The following DPYD variants were observed in gnomAD, a reference collection of about 807,000 sequenced individuals.
DPYD encodes the protein dihydropyrimidine dehydrogenase.
DPYD carries 109 observed loss-of-function variants against 116.2 expected under a neutral mutation model. That is an observed-to-expected ratio of 0.94 (90% confidence interval 0.80 to 1.10). The LOEUF is 1.10. DPYD is among the 50% of genes least tolerant of loss of function. The pLI is 0.00. For missense variants in DPYD, 1,302 were observed against 1,254.5 expected (o/e 1.04, Z -0.57); for synonymous variants, 440 against 432.0 (o/e 1.02, Z -0.23).
Position 97,268,194 on chromosome 1 carries a change from A to G in DPYD, c.2300-33200T>C, listed in dbSNP as rs568058466. On this transcript the variant is annotated intron_variant, in intron 18 of 22. Coordinates refer to ENST00000370192, the MANE Select transcript of DPYD (RefSeq NM_000110.4). The stretch of plus-strand genomic sequence containing the variant: ...ACACTGGGGCAGGGGTTGGGCCCCT[A>G]GGGATTGGGCAGCCCTGTTTATGGC... 7.2e-5 allele frequency among the ~76,000 whole-genome samples: 11 copies of G among 152,212 alleles called. No individual in the cohort carries two copies. The South Asian group carries it at 1.9e-3, about 26-fold the overall frequency.
At chr1:97,265,704 T>G (rs1311638431) in intron 18 of DPYD, among the ~76,000 whole-genome samples, 1 of 152,214 alleles carries the variant, frequency 6.6e-6, no homozygotes, top group Non-Finnish European at 1.5e-5. Context: ...TCACTACTGT[T>G]TGAGATAAAT....
At chr1:97,421,564 T>G (rs1342205037) in intron 14 of DPYD, among the ~76,000 whole-genome samples, 1 of 152,074 alleles carries the variant, frequency 6.6e-6, no homozygotes, top group Non-Finnish European at 1.5e-5. Context: ...AATACAAGAG[T>G]GCCTATCCCA....
At chr1:97,559,800 A>G (rs1024992038) in intron 11 of DPYD, among the ~76,000 whole-genome samples, 5 of 152,204 alleles carry the variant, frequency 3.3e-5, no homozygotes, top group African/African-American at 1.2e-4. Context: ...CATGCACTCA[A>G]AAAATATCAA....
intron 11 of DPYD, among the ~76,000 whole-genome samples, chr1:97,554,455 A>G (rs913745787): frequency 6.6e-6 from 1 of 152,104 alleles, no homozygotes; most frequent in Admixed American, 6.6e-5. Flanking sequence ...CATTTACAAT[A>G]AAATGATACC....
In DPYD at chr1:97,254,734, C is replaced by T. The variant is rs115038566; in HGVS notation, c.2300-19740G>A. Reference sequence around the variant, plus strand: ...GTGAAAACTGTTAAAATAAATGGCTCATGACTTATGAAGTGTTAAAATAAA... The same window carrying T: ...GTGAAAACTGTTAAAATAAATGGCTTATGACTTATGAAGTGTTAAAATAAA... On this transcript the variant is annotated intron_variant, in intron 18 of 22. Transcript: ENST00000370192. Among the ~76,000 whole-genome samples the T allele has an allele frequency of 4.4e-3, 674 of 152,204 alleles. 3 individuals carry two copies. Among genetic ancestry groups the T allele is most frequent in the African/African-American group, 0.015 (631 of 41,546 alleles).
intron 3 of DPYD, among the ~76,000 whole-genome samples, chr1:97,826,034 G>GTGTT (rs1459386297): frequency 6.6e-6 from 1 of 151,810 alleles, no homozygotes; most frequent in South Asian, 2.1e-4. Context: ...ATGTGTGTCT[G>GTGTT]TGTGTGTGTG....
intron 16 of DPYD, chr1:97,322,733 G>T (rs980972547): frequency 6.6e-6 from 1 of 151,950 alleles, no homozygotes. Flanking sequence ...ACATGGCGAG[G>T]TTACCCCATT....
chr1:97,595,259 T>C, intron 8 of DPYD, 93 bp from the exon 9 acceptor site: 1 of 940,090 alleles, frequency 1.1e-6, no homozygotes, highest in Non-Finnish European at 1.7e-6. Flanking sequence ...ATCTTTGAAA[T>C]AATGTCATTC....
At position 97,323,880 on chromosome 1, in the gene DPYD, C is replaced by G. The variant is rs752154092; in HGVS notation, c.2059-17583G>C. ...ATGAAGCATTGGTAGGACACAGGAA[C>G]TATCCCCATTTCGCAAGTCTTTGAA... On this transcript the variant is annotated intron_variant, in intron 16 of 22. Transcript: ENST00000370192. Among the ~76,000 whole-genome samples, 61 of 151,726 alleles carry G rather than the reference C, an allele frequency of 4.0e-4. 1 individual carries two copies. Among genetic ancestry groups the G allele is most frequent in the Admixed American group, 1.3e-4 (2 of 15,150 alleles).
At chr1:97,326,338 G>C (rs1261995661) in intron 16 of DPYD, among the ~76,000 whole-genome samples, 1 of 151,914 alleles carries the variant, frequency 6.6e-6, no homozygotes, top group African/African-American at 2.4e-5. Context: ...ACATCTACCT[G>C]AAAGAATCTG....
At chr1:97,512,055 C>A (rs1436247843) in intron 13 of DPYD, among the ~76,000 whole-genome samples, 1 of 151,844 alleles carries the variant, frequency 6.6e-6, no homozygotes, top group Non-Finnish European at 1.5e-5. Context: ...TATGTGTTAA[C>A]TGTCTGTTCA....
chr1:97,242,202 A>T (rs1225267337), intron 18 of DPYD, among the ~76,000 whole-genome samples: 1 of 135,054 alleles, frequency 7.4e-6, no homozygotes, highest in Non-Finnish European at 1.6e-5. Context: ...AATCTGTTCC[A>T]TTAGTGCTTA....
intron 7 of DPYD, among the ~76,000 whole-genome samples, chr1:97,684,808 C>T (rs1198166301): frequency 6.6e-6 from 1 of 152,078 alleles, no homozygotes; most frequent in Non-Finnish European, 1.5e-5. Flanking sequence ...GAAGTTGAAT[C>T]CCTGAATAGA....
intron 19 of DPYD, among the ~76,000 whole-genome samples, chr1:97,232,577 T>C (rs928808099): frequency 5.3e-5 from 8 of 152,136 alleles, no homozygotes; most frequent in East Asian, 1.9e-4. Flanking sequence ...GCTGTTTTCA[T>C]TCTTTTCTTC....
At chr1:97,189,126 C>G (rs1658189605) in intron 20 of DPYD, among the ~76,000 whole-genome samples, 1 of 152,090 alleles carries the variant, frequency 6.6e-6, no homozygotes, top group African/African-American at 2.4e-5. Flanking sequence ...TTACCATGTT[C>G]AGTGCATGTC....
intron 16 of DPYD, among the ~76,000 whole-genome samples, chr1:97,339,311 A>C (rs1422554987): frequency 6.6e-6 from 1 of 152,164 alleles, no homozygotes; most frequent in Non-Finnish European, 1.5e-5. Flanking sequence ...CTTTTGACTG[A>C]ATGGGCTCAC....
chr1:97,527,001 A>G (rs779534289), intron 12 of DPYD, among the ~76,000 whole-genome samples: 15 of 152,268 alleles, frequency 9.9e-5, no homozygotes, highest in African/African-American at 1.7e-4. Context: ...GCTTGTCCAA[A>G]GATTAATAAG....
intron 2 of DPYD, among the ~76,000 whole-genome samples, chr1:97,871,980 T>C (rs1671681886): frequency 1.3e-5 from 2 of 151,892 alleles, no homozygotes; most frequent in Admixed American, 1.3e-4. Flanking sequence ...ATCAGGTAGA[T>C]ATTATTCTCT....
At chr1:97,665,578 A>G (rs1243961731) in intron 8 of DPYD, among the ~76,000 whole-genome samples, 1 of 152,178 alleles carries the variant, frequency 6.6e-6, no homozygotes, top group Non-Finnish European at 1.5e-5. Flanking sequence ...ATCCACCACA[A>G]AAGAATGCAT....
Sources: allele counts gnomAD v4.1 joint callset (sites outside exome capture counted in the v4.1 genomes callset), GRCh38; gene constraint gnomAD v4.1.1; transcripts MANE v1.5; gene names NCBI Gene and HGNC (gene_info 2026-07-23, HGNC 2026-07-21).